The following PIK3CB variants were observed in gnomAD, a reference collection of about 807,000 sequenced individuals.
PIK3CB encodes the protein phosphatidylinositol-4,5-bisphosphate 3-kinase catalytic subunit beta.
A neutral mutation model predicts 136.8 loss-of-function variants in PIK3CB; 39 were observed. The observed-to-expected ratio is 0.29, with a 90% confidence interval of 0.22 to 0.37. The LOEUF (loss-of-function observed/expected upper bound fraction) is 0.37. Among genes scored for constraint, PIK3CB ranks in the 10% least tolerant of loss-of-function variants. The pLI, the probability that PIK3CB is intolerant of heterozygous loss-of-function variation, is 1.00. For synonymous variants in PIK3CB, 428 were observed against 436.6 expected (o/e 0.98, Z 0.25); for missense variants, 868 against 1,275.4 (o/e 0.68, Z 4.87).
intron 18 of PIK3CB, 26 bp from the exon 19 acceptor site, chr3:138,682,071 A>C: frequency 6.7e-7 from 1 of 1,484,600 alleles, no homozygotes; most frequent in Non-Finnish European, 9.4e-7. Context: ...CTGCTTCATT[A>C]CAAGTGCTTT....
At chr3:138,826,359 C>T (rs1933780826) in intron 1 of PIK3CB, 2 of 1,579,870 alleles carry the variant, frequency 1.3e-6, no homozygotes, top group Non-Finnish European at 1.7e-6. Context: ...CCACCTGAGT[C>T]TTAATCAGTG....
chr3:138,797,986 C>A (rs950027272), intron 1 of PIK3CB, among the ~76,000 whole-genome samples: 2 of 151,868 alleles, frequency 1.3e-5, no homozygotes, highest in African/African-American at 4.8e-5. Flanking sequence ...ATCCTATATA[C>A]TCTATGGAAA....
chr3:138,743,686 C>T (rs2045289405), intron 4 of PIK3CB, among the ~76,000 whole-genome samples: 2 of 151,650 alleles, frequency 1.3e-5, no homozygotes, highest in African/African-American at 4.9e-5. Flanking sequence ...CCTCAGCCTC[C>T]CAAGTAGCTG....
intron 1 of PIK3CB, among the ~76,000 whole-genome samples, chr3:138,827,701 C>T (rs1224499446): frequency 6.6e-6 from 1 of 150,606 alleles, no homozygotes; most frequent in Non-Finnish European, 1.5e-5. Context: ...ACAAAAAGGC[C>T]GGGCCCGGGG....
intron 15 of PIK3CB, 35 bp downstream of exon 15, chr3:138,690,965 C>G (rs2043995442): frequency 6.4e-7 from 1 of 1,554,972 alleles, no homozygotes; most frequent in Non-Finnish European, 8.7e-7. Flanking sequence ...TACTAAAGCA[C>G]CTGGTGGGCT....
intron 16 of PIK3CB, among the ~76,000 whole-genome samples, chr3:138,685,438 AG>A (rs2043868604): frequency 6.7e-6 from 1 of 150,158 alleles, no homozygotes; most frequent in African/African-American, 2.4e-5. Context: ...GAAAGAAAGA[AG>A]ATAAATATGA....
intron 2 of PIK3CB, among the ~76,000 whole-genome samples, chr3:138,765,287 G>A (rs545005586): frequency 4.9e-4 from 74 of 151,808 alleles, no homozygotes; most frequent in African/African-American, 1.7e-3. Flanking sequence ...ACTGCACTCC[G>A]GCCTGGATGA....
chr3:138,784,719 G>C (rs1439674418), intron 2 of PIK3CB, among the ~76,000 whole-genome samples: 1 of 152,176 alleles, frequency 6.6e-6, no homozygotes, highest in Non-Finnish European at 1.5e-5. Flanking sequence ...ACGGAGTCTC[G>C]CTCACTCAGT....
chr3:138,829,372 C>T (rs556212530), intron 1 of PIK3CB, among the ~76,000 whole-genome samples: 33 of 152,260 alleles, frequency 2.2e-4, no homozygotes, highest in African/African-American at 7.7e-4. Flanking sequence ...ATCACTCCGA[C>T]TGCTGTGTGA....
intron 2 of PIK3CB, among the ~76,000 whole-genome samples, chr3:138,785,005 C>T (rs1576412084): frequency 1.3e-5 from 2 of 152,040 alleles, no homozygotes; most frequent in Non-Finnish European, 2.9e-5. Flanking sequence ...CGGCAGCCGC[C>T]CCGTCTGGGA....
intron 4 of PIK3CB, among the ~76,000 whole-genome samples, chr3:138,747,327 A>G (rs1390882078): frequency 6.6e-6 from 1 of 151,574 alleles, no homozygotes; most frequent in Non-Finnish European, 1.5e-5. Context: ...AGTAAACACA[A>G]TTTAAAAAAT....
chr3:138,761,115 C>T (rs1164454339), intron 2 of PIK3CB, among the ~76,000 whole-genome samples: 1 of 152,114 alleles, frequency 6.6e-6, no homozygotes, highest in Non-Finnish European at 1.5e-5. Flanking sequence ...GTTGACACTA[C>T]AGGAATCCCC....
intron 4 of PIK3CB, among the ~76,000 whole-genome samples, chr3:138,750,803 C>T (rs1008865108): frequency 6.6e-6 from 1 of 152,146 alleles, no homozygotes; most frequent in Non-Finnish European, 1.5e-5. Context: ...TGAGATCACA[C>T]AGTATTTGAA....
intron 1 of PIK3CB, among the ~76,000 whole-genome samples, chr3:138,821,740 G>A (rs926005581): frequency 6.6e-6 from 1 of 152,032 alleles, no homozygotes; most frequent in African/African-American, 2.4e-5. Context: ...AGCCGAGATG[G>A]CGTCACTGCA....
chr3:138,656,411 AT>A, intron 22 of PIK3CB, 137 bp from the exon 23 acceptor site: 2 of 892,104 alleles, frequency 2.2e-6, no homozygotes, highest in Non-Finnish European at 3.3e-6. Flanking sequence ...TTCATTTCTG[AT>A]TTTTACTTCT....
At chr3:138,781,735 G>A (rs570408746) in intron 2 of PIK3CB, among the ~76,000 whole-genome samples, 60 of 152,172 alleles carry the variant, frequency 3.9e-4, no homozygotes, top group Admixed American at 8.5e-4. Context: ...GATTACAGGC[G>A]TGTGCCACCG....
At position 138,682,020 on chromosome 3, in the gene PIK3CB, G is replaced by T. The variant is rs377269256; in HGVS notation, c.2451C>A (p.Leu817=). ...GDDLRQDMLT[L]QMLRLMDLLW... ...GTAAATCCATCAAGCGCAACATTTG[G>T]AGTGTCAACATATCCTGTCGTAAAT... Residue 817 remains leucine, a synonymous_variant, in exon 19 of 24, where the codon CTC becomes CTA. Coordinates refer to ENST00000674063, the MANE Select transcript of PIK3CB (RefSeq NM_006219.3). 1.9e-6 allele frequency: 3 copies of T among 1,611,488 alleles called. No individual in the cohort carries two copies. Among genetic ancestry groups the T allele is most frequent in the East Asian group, 2.2e-5 (1 of 44,754 alleles).
At chr3:138,707,413 G>C (rs1179918270) in intron 10 of PIK3CB, 124 bp from the exon 11 acceptor site, 13 of 1,387,044 alleles carry the variant, frequency 9.4e-6, no homozygotes, top group Middle Eastern at 2.6e-4. Flanking sequence ...AAGTGTGACA[G>C]ACAATTCTAT....
At chr3:138,684,973 A>G (rs1469823572) in intron 16 of PIK3CB, 170 bp from the exon 17 acceptor site, 10 of 518,638 alleles carry the variant, frequency 1.9e-5, no homozygotes, top group Non-Finnish European at 2.7e-5. Context: ...TTTTACATAC[A>G]ATAAACTTAT....
Sources: allele counts gnomAD v4.1 joint callset (sites outside exome capture counted in the v4.1 genomes callset), GRCh38; gene constraint gnomAD v4.1.1; transcripts MANE v1.5; gene names NCBI Gene and HGNC (gene_info 2026-07-23, HGNC 2026-07-21).